EDAR: variants seen among roughly 807,000 people sequenced by gnomAD.
The protein encoded by EDAR is ectodysplasin A receptor.
A neutral mutation model predicts 51.3 loss-of-function variants in EDAR; 38 were observed. The ratio of observed to expected loss-of-function variants is 0.74; its 90% CI spans 0.57 to 0.97. The LOEUF (loss-of-function observed/expected upper bound fraction) is 0.97. EDAR is among the 50% of genes least tolerant of loss of function. The pLI is 0.00. For missense variants in EDAR, 528 were observed against 595.0 expected (o/e 0.89, Z 1.17); for synonymous variants, 227 against 242.1 (o/e 0.94, Z 0.58).
chr2:108,919,899 G>C (rs1454406987), intron 5 of EDAR, among the ~76,000 whole-genome samples: 1 of 152,240 alleles, frequency 6.6e-6, no homozygotes, highest in Non-Finnish European at 1.5e-5. Flanking sequence ...TGGAGCTTCA[G>C]GCCATCTCTG....
intron 1 of EDAR, among the ~76,000 whole-genome samples, chr2:108,955,043 G>A (rs538800456): frequency 1.9e-3 from 286 of 152,192 alleles, no homozygotes; most frequent in African/African-American, 5.7e-3. Context: ...ACATCTCCCT[G>A]AGGGAAGCGC....
At chr2:108,959,399 G>C (rs767999518) in intron 1 of EDAR, among the ~76,000 whole-genome samples, 2 of 152,226 alleles carry the variant, frequency 1.3e-5, no homozygotes, top group Non-Finnish European at 2.9e-5. Context: ...TGTAATGCAG[G>C]GGACGCTGGG....
chr2:108,977,685 T>A (rs1229047891), intron 1 of EDAR, among the ~76,000 whole-genome samples: 2 of 152,096 alleles, frequency 1.3e-5, no homozygotes, highest in African/African-American at 4.8e-5. Flanking sequence ...TAGGAGTCAC[T>A]GTTGTTTCAA....
chr2:108,978,605 T>C (rs1289677221), intron 1 of EDAR, among the ~76,000 whole-genome samples: 1 of 152,192 alleles, frequency 6.6e-6, no homozygotes, highest in African/African-American at 2.4e-5. Flanking sequence ...TGATTTTTAA[T>C]AAATAATTCA....
intron 1 of EDAR, among the ~76,000 whole-genome samples, chr2:108,975,238 T>G (rs370685290): frequency 7.5e-4 from 114 of 152,266 alleles, no homozygotes; most frequent in Non-Finnish European, 1.4e-3. Context: ...AACACAGGGA[T>G]AGCAGCTGCG....
chr2:108,941,941 A>C (rs1332054059), intron 1 of EDAR, among the ~76,000 whole-genome samples: 2 of 152,228 alleles, frequency 1.3e-5, no homozygotes, highest in Non-Finnish European at 2.9e-5. Flanking sequence ...TCTGCTGCAC[A>C]GAGAGGCCTG....
chr2:108,946,929 T>C (rs1697725212), intron 1 of EDAR, among the ~76,000 whole-genome samples: 1 of 152,082 alleles, frequency 6.6e-6, no homozygotes, highest in African/African-American at 2.4e-5. Context: ...AATCATGCCT[T>C]CCCAACAGTC....
chr2:108,952,581 G>A (rs573928818), intron 1 of EDAR, among the ~76,000 whole-genome samples: 30 of 152,218 alleles, frequency 2.0e-4, no homozygotes, highest in African/African-American at 6.3e-4. Flanking sequence ...ACTTTCACTT[G>A]CTCTGCTGAG....
chr2:108,944,067 G>A (rs143602752), intron 1 of EDAR, among the ~76,000 whole-genome samples: 4 of 152,330 alleles, frequency 2.6e-5, no homozygotes, highest in African/African-American at 4.8e-5. Flanking sequence ...ATCCAGCCAC[G>A]TAGGAGCAAA....
intron 1 of EDAR, among the ~76,000 whole-genome samples, chr2:108,988,643 C>T (rs1411297788): frequency 6.6e-6 from 1 of 152,200 alleles, no homozygotes; most frequent in Non-Finnish European, 1.5e-5. Context: ...ACATACTTTT[C>T]ACGCTCCCTG....
chr2:108,904,189 A>G (rs1010902197), intron 11 of EDAR, among the ~76,000 whole-genome samples: 3 of 152,210 alleles, frequency 2.0e-5, no homozygotes, highest in African/African-American at 7.2e-5. Context: ...ACTGAAGAGG[A>G]CACACAGATG....
chr2:108,910,909 G>A, intron 7 of EDAR, 38 bp downstream of exon 7: 1 of 1,614,090 alleles, frequency 6.2e-7, no homozygotes, highest in Non-Finnish European at 8.5e-7. Context: ...TTGACGGAGA[G>A]TCCAGGAAGC....
At chr2:108,962,674 CAA>C (rs66741499) in intron 1 of EDAR, among the ~76,000 whole-genome samples, 2,320 of 66,858 alleles carry the variant, frequency 0.035, 202 homozygotes, top group South Asian at 0.1. Context: ...GACTCTGTCT[CAA>C]AAAAAAAAAA....
intron 1 of EDAR, among the ~76,000 whole-genome samples, chr2:108,987,572 A>G (rs964245613): frequency 1.3e-5 from 2 of 152,362 alleles, no homozygotes; most frequent in South Asian, 4.1e-4. Context: ...AGTGAAAATC[A>G]AGCATTTCAG....
chr2:108,988,127 C>T (rs1003750056), intron 1 of EDAR, among the ~76,000 whole-genome samples: 1 of 152,200 alleles, frequency 6.6e-6, no homozygotes, highest in African/African-American at 2.4e-5. Context: ...TGGGATTGCC[C>T]ACTGACCGGC....
In EDAR at chr2:108,908,012, C is replaced by T. The variant is rs748165753; in HGVS notation, c.811G>A (p.Asp271Asn). 3 of 1,607,898 alleles carry T rather than the reference C, an allele frequency of 1.9e-6. No homozygotes were observed. Among genetic ancestry groups the T allele is most frequent in the African/African-American group, 1.3e-5 (1 of 74,924 alleles). Residue 271 changes from aspartate (D) to asparagine (N), a missense_variant, in exon 10 of 12, where the codon GAT becomes AAT. Asp to Asn is a conservative substitution (Grantham distance 23). Transcript: ENST00000258443. ...TPAKPTKSEN[D>N]ASSENEQLLS... ...AGCTGCTCATTCTCGGATGAGGCAT[C>T]GTTCTCGCTGCAAAAACAAGAGCGA...
intron 1 of EDAR, among the ~76,000 whole-genome samples, chr2:108,931,836 A>C (rs891861888): frequency 6.6e-6 from 1 of 151,990 alleles, no homozygotes; most frequent in Non-Finnish European, 1.5e-5. Context: ...CTACAAAGAG[A>C]GATAATGTGC....
intron 1 of EDAR, among the ~76,000 whole-genome samples, chr2:108,950,147 G>T (rs1456605644): frequency 6.6e-6 from 1 of 152,148 alleles, no homozygotes; most frequent in Non-Finnish European, 1.5e-5. Flanking sequence ...CTACAAGGCA[G>T]AACAGATGAC....
At chr2:108,982,536 A>G (rs931446296) in intron 1 of EDAR, among the ~76,000 whole-genome samples, 2 of 152,274 alleles carry the variant, frequency 1.3e-5, no homozygotes, top group African/African-American at 4.8e-5. Context: ...TTCACAAAAT[A>G]AATATTTGCC....
Sources: allele counts gnomAD v4.1 joint callset (sites outside exome capture counted in the v4.1 genomes callset), GRCh38; gene constraint gnomAD v4.1.1; transcripts MANE v1.5; gene names NCBI Gene and HGNC (gene_info 2026-07-23, HGNC 2026-07-21).